LINGO2: variants seen among roughly 807,000 people sequenced by gnomAD.
LINGO2 encodes leucine-rich repeat and immunoglobulin-like domain-containing nogo receptor-interacting protein 2.
In LINGO2, 14 loss-of-function variants were observed where a neutral mutation model predicts 30.6. That is an observed-to-expected ratio of 0.46 (90% confidence interval 0.30 to 0.72). The LOEUF is 0.72. Ranked by LOEUF, LINGO2 falls within the 30% of genes least tolerant of loss-of-function variation. The pLI is 0.07. For missense variants in LINGO2, 729 were observed against 751.7 expected (o/e 0.97, Z 0.35); for synonymous variants, 317 against 288.5 (o/e 1.10, Z -1.00).
intron 1 of LINGO2, among the ~76,000 whole-genome samples, chr9:28,581,473 G>T (rs556725176): frequency 6.6e-6 from 1 of 150,618 alleles, no homozygotes; most frequent in African/African-American, 2.4e-5. Context: ...AAAATCCAAA[G>T]GTCTAAACCC....
chr9:28,637,887 C>G (rs11515319), intron 1 of LINGO2, among the ~76,000 whole-genome samples: 14,175 of 152,142 alleles, frequency 0.093, 876 homozygotes, highest in East Asian at 0.19. Context: ...AGAGAGCATC[C>G]CTGTCTTGTG....
the LINGO2 span, among the ~76,000 whole-genome samples, chr9:28,692,764 G>T: frequency 2.0e-5 from 3 of 152,040 alleles, no homozygotes; most frequent in Non-Finnish European, 4.4e-5. Context: ...TAATAATAAC[G>T]AAGGTATTGG....
the LINGO2 span, among the ~76,000 whole-genome samples, chr9:28,858,235 C>T: frequency 2.0e-5 from 3 of 151,950 alleles, no homozygotes; most frequent in Non-Finnish European, 4.4e-5. Flanking sequence ...TTATGGTTAT[C>T]TCTTTTGTTC....
chr9:28,729,876 C>T, the LINGO2 span, among the ~76,000 whole-genome samples: 5 of 151,786 alleles, frequency 3.3e-5, no homozygotes, highest in Non-Finnish European at 7.4e-5. Context: ...AATAAACTCT[C>T]ACAAAAGTAT....
chr9:28,924,872 A>G, the LINGO2 span, among the ~76,000 whole-genome samples: 1 of 152,100 alleles, frequency 6.6e-6, no homozygotes, highest in East Asian at 1.9e-4. Flanking sequence ...CTCTTTTTAT[A>G]GTTCTTGACT....
chr9:29,065,484 A>G, the LINGO2 span, among the ~76,000 whole-genome samples: 199 of 152,244 alleles, frequency 1.3e-3, no homozygotes, highest in African/African-American at 4.6e-3. Flanking sequence ...TCTTCTGCAT[A>G]TGGCTAGCCA....
the LINGO2 span, among the ~76,000 whole-genome samples, chr9:28,981,603 T>C: frequency 6.6e-6 from 1 of 152,084 alleles, no homozygotes; most frequent in Non-Finnish European, 1.5e-5. Context: ...AGTACTAACA[T>C]GGAGTGGCAG....
chr9:29,212,260 G>C, the LINGO2 span, among the ~76,000 whole-genome samples: 1 of 151,856 alleles, frequency 6.6e-6, no homozygotes, highest in Non-Finnish European at 1.5e-5. Context: ...CCTGCCGCGC[G>C]GGCTCCGCCA....
At chr9:29,196,853 T>C in the LINGO2 span, among the ~76,000 whole-genome samples, 1 of 152,040 alleles carries the variant, frequency 6.6e-6, no homozygotes, top group Non-Finnish European at 1.5e-5. Flanking sequence ...ACGGAAAATA[T>C]GTCAGTCTTT....
chr9:28,299,145 A>T (rs966540116), intron 3 of LINGO2, among the ~76,000 whole-genome samples: 1 of 152,132 alleles, frequency 6.6e-6, no homozygotes, highest in African/African-American at 2.4e-5. Context: ...CCGTGGAGAC[A>T]TGTTGCATAA....
chr9:29,044,250 T>A, the LINGO2 span, among the ~76,000 whole-genome samples: 2 of 138,074 alleles, frequency 1.4e-5, no homozygotes, highest in African/African-American at 4.9e-5. Context: ...TTAAAATAAA[T>A]GAATGGAGCA....
At chr9:28,477,332 C>T (rs1263773372) in intron 1 of LINGO2, among the ~76,000 whole-genome samples, 2 of 151,962 alleles carry the variant, frequency 1.3e-5, no homozygotes, top group Non-Finnish European at 2.9e-5. Flanking sequence ...ATTAATATCC[C>T]TACTTTTAAT....
At chr9:28,639,346 T>C (rs569097073) in intron 1 of LINGO2, among the ~76,000 whole-genome samples, 7 of 152,174 alleles carry the variant, frequency 4.6e-5, no homozygotes, top group South Asian at 2.1e-4. Context: ...GCGCTTGGTG[T>C]AGAGCTGAGT....
At chr9:29,104,719 T>G in the LINGO2 span, among the ~76,000 whole-genome samples, 106 of 152,304 alleles carry the variant, frequency 7.0e-4, no homozygotes, top group African/African-American at 2.5e-3. Context: ...TCAACCTATT[T>G]TCTTCTGTTA....
chr9:29,080,448 G>GT, the LINGO2 span, among the ~76,000 whole-genome samples: 4 of 151,600 alleles, frequency 2.6e-5, no homozygotes, highest in South Asian at 8.3e-4. Context: ...ATCTCCTTCA[G>GT]TCTGCTCTGA....
At chr9:29,137,696 G>A in the LINGO2 span, among the ~76,000 whole-genome samples, 3 of 152,134 alleles carry the variant, frequency 2.0e-5, no homozygotes, top group Admixed American at 1.3e-4. Context: ...TCGGAGTGAA[G>A]GCTGAGGTTA....
chr9:28,994,772 G>C, the LINGO2 span, among the ~76,000 whole-genome samples: 1 of 152,194 alleles, frequency 6.6e-6, no homozygotes. Context: ...ATGAGGAAAA[G>C]ATTCCCTATT....
intron 5 of LINGO2, among the ~76,000 whole-genome samples, chr9:27,989,169 G>C (rs144851773): frequency 2.5e-4 from 38 of 151,938 alleles, no homozygotes; most frequent in African/African-American, 8.7e-4. Flanking sequence ...TCTAACCCAG[G>C]TCTTTGCATG....
the LINGO2 span, among the ~76,000 whole-genome samples, chr9:28,773,764 G>C: frequency 6.6e-6 from 1 of 152,138 alleles, no homozygotes; most frequent in Non-Finnish European, 1.5e-5. Flanking sequence ...CTTGTGGAAA[G>C]GGTAATTCAA....
Sources: gnomAD v4.1 joint callset for allele counts (sites outside exome capture counted in the v4.1 genomes callset) on GRCh38, gnomAD v4.1.1 for gene constraint, MANE v1.5 for transcripts, NCBI Gene and HGNC (gene_info 2026-07-23, HGNC 2026-07-21) for gene names.